The following SLC6A9 variants were observed in gnomAD, a reference collection of about 807,000 sequenced individuals.
SLC6A9 encodes the protein solute carrier family 6 member 9.
A neutral mutation model predicts 70.9 loss-of-function variants in SLC6A9; 31 were observed. The ratio of observed to expected loss-of-function variants is 0.44; its 90% CI spans 0.33 to 0.59. SLC6A9 has a LOEUF of 0.59. SLC6A9 is among the 20% of genes least tolerant of loss of function. SLC6A9 has a pLI of 0.04. For synonymous variants in SLC6A9, 310 were observed against 341.3 expected, an observed-to-expected ratio of 0.91 and a Z score of 1.01; for missense variants, 631 against 845.2, an observed-to-expected ratio of 0.75 and a Z score of 3.14.
chr1:44,011,473 T>G (rs2086566316), intron 2 of SLC6A9: 11 of 1,082,064 alleles, frequency 1.0e-5, no homozygotes, highest in Non-Finnish European at 1.5e-5. Context: ...GGGACAGACA[T>G]GGGGAGGGCA....
chr1:44,010,586 C>T (rs528889142), intron 3 of SLC6A9, 140 bp downstream of exon 3: 11 of 797,262 alleles, frequency 1.4e-5, no homozygotes, highest in Non-Finnish European at 2.0e-5. Flanking sequence ...GGTGCCTAAG[C>T]CAGGGATGGG....
intron 1 of SLC6A9, among the ~76,000 whole-genome samples, chr1:44,030,933 C>T (rs969926263): frequency 6.6e-6 from 1 of 152,140 alleles, no homozygotes; most frequent in African/African-American, 2.4e-5. Context: ...CACGCTCTGG[C>T]TCCGGCGCTA....
intron 2 of SLC6A9, 111 bp from the exon 3 acceptor site, chr1:44,010,993 G>T: frequency 8.8e-7 from 1 of 1,140,336 alleles, no homozygotes; most frequent in Non-Finnish European, 1.3e-6. Flanking sequence ...CCCTCCCCGG[G>T]CTTCCCCTCT....
intron 1 of SLC6A9, among the ~76,000 whole-genome samples, chr1:44,029,191 A>T (rs1307266701): frequency 6.6e-6 from 1 of 152,194 alleles, no homozygotes; most frequent in Non-Finnish European, 1.5e-5. Context: ...CTGTCAGGTC[A>T]ATCAGTTTTA....
At position 44,010,469 on chromosome 1, in the gene SLC6A9, G is replaced by C. The variant is rs58276105; in HGVS notation, c.187+257C>G. On this transcript the variant is annotated intron_variant, in intron 3 of 13. Coordinates refer to ENST00000372310, the MANE Select transcript of SLC6A9 (RefSeq NM_001024845.3). ...GAGCCTTGTGGGCGGGGGGGGGGGG[G>C]GGTTAGGTCCTTTTCTCACCTCTCC... 1,350 of 254,278 alleles carry C rather than the reference G, an allele frequency of 5.3e-3. 45 individuals are homozygous for C. The highest frequency in any genetic ancestry group is 0.03 in the African/African-American group (1,222 of 40,670). 15.8% of individuals were successfully genotyped at this position (254,278 alleles called of 1,614,324 possible).
chr1:44,011,752 A>C (rs772490758), intron 2 of SLC6A9: 2 of 1,610,882 alleles, frequency 1.2e-6, no homozygotes, highest in East Asian at 2.2e-5. Context: ...AGGTCAGGAG[A>C]GGCAGATGCG....
At chr1:44,008,706 TTTTC>T in intron 4 of SLC6A9, 83 bp from the exon 5 acceptor site, 2 of 1,122,662 alleles carry the variant, frequency 1.8e-6, no homozygotes, top group Non-Finnish European at 2.5e-6. Context: ...TTTTCTTTTC[TTTTC>T]TTTTTTTTTT....
chr1:44,027,358 T>A (rs949405754), intron 1 of SLC6A9, among the ~76,000 whole-genome samples: 2 of 152,212 alleles, frequency 1.3e-5, no homozygotes, highest in Non-Finnish European at 2.9e-5. Flanking sequence ...TAACAGTAGT[T>A]TCCTCGTAAG....
rs767455465 is a variant in SLC6A9 at position 44,010,691 on chromosome 1, A to G, written c.187+35T>C. On this transcript the variant is annotated intron_variant, in intron 3 of 13. Transcript: ENST00000372310. ...AGGCCCTGGTGGGTGGGCTCTACCC[A>G]AGTGGGTGGTCCCTGCCCTGTGCCC... 2.5e-6 allele frequency: 4 copies of G among 1,606,880 alleles called. No individual in the cohort carries two copies. In the African/African-American group the frequency reaches 5.3e-5, roughly 21 times the overall value.
intron 2 of SLC6A9, among the ~76,000 whole-genome samples, chr1:44,021,112 G>A (rs2086873822): frequency 6.6e-6 from 1 of 152,294 alleles, no homozygotes; most frequent in Admixed American, 6.5e-5. Context: ...GGGCTCTCTT[G>A]CCTCCTGTCC....
chr1:44,003,075 C>G, intron 5 of SLC6A9, 90 bp from the exon 6 acceptor site: 1 of 1,495,358 alleles, frequency 6.7e-7, no homozygotes, highest in Non-Finnish European at 9.2e-7. Flanking sequence ...GCTGTACCCT[C>G]CTTTGTCATG....
chr1:43,999,188 T>A (rs558535497), intron 12 of SLC6A9, among the ~76,000 whole-genome samples: 7 of 151,870 alleles, frequency 4.6e-5, no homozygotes, highest in African/African-American at 1.4e-4. Flanking sequence ...GACAGAAGGG[T>A]GGAGTTTGTC....
At chr1:44,003,324 G>T (rs1262394153) in intron 5 of SLC6A9, among the ~76,000 whole-genome samples, 1 of 152,254 alleles carries the variant, frequency 6.6e-6, no homozygotes, top group African/African-American at 2.4e-5. Context: ...GTCCTTGTTT[G>T]CACACTTCTC....
Position 44,008,548 on chromosome 1 carries a change from T to G in SLC6A9, c.395A>C (p.Tyr132Ser). ...GTGCGTCATGGACGAGAAGAAGTAG[T>G]AGAAGGCGATGCAGATGACCACATT... The part of the protein sequence containing the change: ...YYNVVICIAF[Y>S]YFFSSMTHVL... Residue 132 changes from tyrosine to serine, a missense_variant, in exon 5 of 14, where the codon TAC becomes TCC. Tyr to Ser is a moderately radical substitution (Grantham distance 144, BLOSUM62 -2). Transcript: ENST00000372310. 6.2e-7 allele frequency: 1 copy of G among 1,613,882 alleles called. No homozygotes were observed. Among genetic ancestry groups the G allele is most frequent in the Non-Finnish European group, 8.5e-7 (1 of 1,179,954 alleles).
At position 43,997,668 on chromosome 1, in the gene SLC6A9, G is replaced by A. The variant is rs761810531; in HGVS notation, c.1779C>T (p.Tyr593=). 1.2e-5 allele frequency: 19 copies of A among 1,613,504 alleles called. No homozygotes were observed. The highest frequency in any genetic ancestry group is 8.4e-5 in the Admixed American group (5 of 59,824). The part of the protein sequence containing the change: ...PALLEHRTGR[Y]APTIAPSPED... ...CAGGAGAGGGGGCTATGGTGGGGGCGTAGCGCCCTGTCCGGTGCTCCAGGA... is the reference window on the plus strand; with the variant it reads ...CAGGAGAGGGGGCTATGGTGGGGGCATAGCGCCCTGTCCGGTGCTCCAGGA... The change falls in exon 14 of 14, where the codon TAC becomes TAT. Residue 593 remains tyrosine, a synonymous_variant. Transcript: ENST00000372310. This position sits in a 1 kb window ranked among gnomAD's most constrained non-coding sequence, Gnocchi z 4.4.
intron 2 of SLC6A9, among the ~76,000 whole-genome samples, chr1:44,011,384 AC>A (rs1400404753): frequency 6.7e-6 from 1 of 150,050 alleles, no homozygotes; most frequent in Non-Finnish European, 1.5e-5. Context: ...GGGAGGTTAG[AC>A]CCCTCCCCCA....
At chr1:44,010,587 CAGGGA>C in intron 3 of SLC6A9, 134 bp downstream of exon 3, 2 of 808,040 alleles carry the variant, frequency 2.5e-6, no homozygotes, top group Non-Finnish European at 3.9e-6. Context: ...GTGCCTAAGC[CAGGGA>C]TGGGGGCGAA....
intron 1 of SLC6A9, among the ~76,000 whole-genome samples, chr1:44,028,578 A>G (rs1325191245): frequency 6.6e-6 from 1 of 152,088 alleles, no homozygotes; most frequent in Non-Finnish European, 1.5e-5. Context: ...CGACATGGAG[A>G]AACCCTGTCT....
intron 1 of SLC6A9, among the ~76,000 whole-genome samples, chr1:44,026,777 C>T (rs1454214575): frequency 6.6e-6 from 1 of 152,224 alleles, no homozygotes; most frequent in African/African-American, 2.4e-5. Context: ...AGGGCCCTCA[C>T]CCAGGTTATC....
Sources: gnomAD v4.1 joint callset for allele counts (sites outside exome capture counted in the v4.1 genomes callset) on GRCh38, gnomAD v4.1.1 for gene constraint, Gnocchi (gnomAD v3.1) non-coding constraint, MANE v1.5 for transcripts, NCBI Gene and HGNC (gene_info 2026-07-23, HGNC 2026-07-21) for gene names.